The following ZNF721 variants were observed in gnomAD, a reference collection of about 807,000 sequenced individuals.
ZNF721 encodes zinc finger protein 721.
Under a neutral mutation model 2.4 loss-of-function variants are expected in ZNF721, and 2 were observed. That is an observed-to-expected ratio of 0.82 (90% CI 0.34 to 2.58). The LOEUF (loss-of-function observed/expected upper bound fraction) is 2.58. Among genes scored for constraint, ZNF721 ranks in the 30% most tolerant of loss-of-function variants. The pLI is 0.11. For synonymous variants in ZNF721, 398 were observed against 381.8 expected (o/e 1.04, Z -0.50); for missense variants, 1,187 against 1,085.5 (o/e 1.09, Z -1.31).
At chr4:447,637 C>G (rs1175425766) in intron 2 of ZNF721, among the ~76,000 whole-genome samples, 1 of 152,130 alleles carries the variant, frequency 6.6e-6, no homozygotes, top group Non-Finnish European at 1.5e-5. Flanking sequence ...CATGATCCAG[C>G]TTGCTTTTCT....
rs782151801 is a variant in ZNF721 at position 442,120 on chromosome 4, A to G, written c.2347T>C (p.Cys783Arg). Reference protein sequence around the residue: ...KIHTGKKPYKCKECGKVITSS... With the variant: ...KIHTGKKPYKRKECGKVITSS... ...GTAATGACTTTGCCACATTCCTTAC[A>G]TTTGTAGGGTTTCTTTCCAGTATGA... Residue 783 changes from cysteine (C) to arginine (R), a missense_variant, in exon 3 of 3, where the codon TGT becomes CGT. Physicochemically the swap from Cys to Arg is radical, Grantham distance 180. Coordinates refer to ENST00000511833, the MANE Select transcript of ZNF721 (RefSeq NM_133474.4). 16 of 1,613,726 alleles carry G rather than the reference A, an allele frequency of 9.9e-6. No individual in the cohort carries two copies. Among genetic ancestry groups the G allele is most frequent in the Non-Finnish European group, 5.1e-6 (6 of 1,179,800 alleles).
In ZNF721 at chr4:441,736, G is replaced by C; in HGVS notation, c.2731C>G (p.His911Asp). ...TTATCTCCAGTATGAATTTTCTTAT[G>C]TGCATAAAGATTTGCAGACTGTCTA... ...TFRQSANLYA[H>D]KKIHTGDKTI... Residue 911 changes from histidine (H) to aspartate (D), a missense_variant, in exon 3 of 3, where the codon CAT becomes GAT. Physicochemically the swap from His to Asp is moderately conservative, Grantham distance 81. Coordinates refer to ENST00000511833, the MANE Select transcript of ZNF721 (RefSeq NM_133474.4). 2 of 1,612,800 alleles carry C rather than the reference G, an allele frequency of 1.2e-6. No individual in the cohort carries two copies. Among genetic ancestry groups the C allele is most frequent in the Non-Finnish European group, 1.7e-6 (2 of 1,179,388 alleles).
At position 440,458 on chromosome 4, in the gene ZNF721, A is replaced by C. The variant is rs1375024198; in HGVS notation, c.*1237T>G. ...ATATCTCTTCAAAAACCTACTTTTCAACTTATATACAAGGAAATTTTCTAA... is the reference window on the plus strand; with the variant it reads ...ATATCTCTTCAAAAACCTACTTTTCCACTTATATACAAGGAAATTTTCTAA... On this transcript the variant is annotated 3_prime_UTR_variant, in exon 3 of 3. Coordinates refer to ENST00000511833, the MANE Select transcript of ZNF721 (RefSeq NM_133474.4). The C allele has an allele frequency of 6.6e-6, 1 of 152,176 alleles. No homozygotes were observed. The highest frequency in any genetic ancestry group is 6.5e-5 in the Admixed American group (1 of 15,280). The allele number at this position is 152,176 out of a possible 1,614,324, so 9.4% of individuals were successfully genotyped here. A position where few individuals can be genotyped will look rare whatever the true frequency, so the allele number is the denominator to read the frequency against.
chr4:455,249 C>T lies in ZNF721; in HGVS notation c.35-10817G>A, dbSNP rs11931971. 4.1e-3 allele frequency among the ~76,000 whole-genome samples: 626 copies of T among 152,244 alleles called. 8 individuals carry two copies. Among genetic ancestry groups the T allele is most frequent in the African/African-American group, 0.014 (584 of 41,536 alleles). Reference sequence around the variant, plus strand: ...TGTGTCTTTCCTTCTCCTTTCACCCCGCAGCACACAACAATCTTACAAAAA... The same window carrying T: ...TGTGTCTTTCCTTCTCCTTTCACCCTGCAGCACACAACAATCTTACAAAAA... On this transcript the variant is annotated intron_variant, in intron 2 of 2. Transcript: ENST00000511833.
rs1553863825 is a variant in ZNF721, at chr4:444,011, C to A, written c.456G>T (p.Leu152=). 6.2e-7 allele frequency: 1 copy of A among 1,613,614 alleles called. No homozygotes were observed. The part of the protein sequence containing the change: ...RGKDFGWYTD[L]NQHKKIHTGE... ...CAGTATGAATTTTCTTGTGTTGATT[C>A]AGGTCTGTGTACCATCCAAAGTCTT... The change falls in exon 3 of 3, where the codon CTG becomes CTT. Residue 152 remains leucine, a synonymous_variant. Transcript: ENST00000511833.
chr4:490,450 C>G (rs1258870005), intron 1 of ZNF721, among the ~76,000 whole-genome samples: 1 of 151,422 alleles, frequency 6.6e-6, no homozygotes, highest in Non-Finnish European at 1.5e-5. Context: ...GCCTGGGCAA[C>G]AGAGTGAGAC....
At chr4:473,088 G>A (rs1478461423) in intron 1 of ZNF721, among the ~76,000 whole-genome samples, 9 of 152,102 alleles carry the variant, frequency 5.9e-5, no homozygotes, top group African/African-American at 2.2e-4. Context: ...CAATAGACAG[G>A]ATGTGAGGGG....
At chr4:460,435 C>T (rs1287054932) in intron 2 of ZNF721, among the ~76,000 whole-genome samples, 4 of 152,096 alleles carry the variant, frequency 2.6e-5, no homozygotes, top group African/African-American at 9.7e-5. Flanking sequence ...ACAGCCAAAG[C>T]AGTCTTTGGA....
At chr4:473,966 G>A in intron 1 of ZNF721, 1 of 1,507,494 alleles carries the variant, frequency 6.6e-7, no homozygotes, top group Middle Eastern at 1.8e-4. Context: ...GGGACGCCCT[G>A]CCCCGCACAC....
At chr4:480,737 T>C (rs143257433) in intron 1 of ZNF721, among the ~76,000 whole-genome samples, 9 of 149,698 alleles carry the variant, frequency 6.0e-5, no homozygotes, top group African/African-American at 2.2e-4. Flanking sequence ...TTTCGGAAGG[T>C]AGAGCCGTAT....
intron 2 of ZNF721, among the ~76,000 whole-genome samples, chr4:456,392 C>G (rs1399631413): frequency 6.6e-6 from 1 of 151,392 alleles, no homozygotes; most frequent in Non-Finnish European, 1.5e-5. Flanking sequence ...AATTTATAAA[C>G]CAGGTAAGGG....
At position 442,570 on chromosome 4, in the gene ZNF721, T is replaced by G. The variant is rs976219771; in HGVS notation, c.1897A>C (p.Lys633Gln). The change falls in exon 3 of 3, where the codon AAA becomes CAA. Residue 633 changes from lysine (K) to glutamine (Q), a missense_variant. By Grantham distance (53) the Lys-to-Gln change is moderately conservative. Coordinates refer to ENST00000511833, the MANE Select transcript of ZNF721 (RefSeq NM_133474.4). ...TAAGGTTTCTCCCCAGTGTAAATTT[T>G]CTTCTGTTGATTCAGGTCCGTGTAC... is the stretch of plus-strand genomic sequence containing the variant. ...VWYTDLNQQK[K>Q]IYTGEKPYKC... 1.9e-6 allele frequency: 3 copies of G among 1,613,868 alleles called. No individual in the cohort carries two copies. Among genetic ancestry groups the G allele is most frequent in the Non-Finnish European group, 2.5e-6 (3 of 1,179,874 alleles).
Position 440,332 on chromosome 4 carries a change from T to C in ZNF721, c.*1363A>G, listed in dbSNP as rs1714189318. The C allele has an allele frequency of 6.6e-6, 1 of 152,218 alleles. No homozygotes were observed. The highest frequency in any genetic ancestry group is 1.5e-5 in the Non-Finnish European group (1 of 68,038). The allele number at this position is 152,218 out of a possible 1,614,324, so 9.4% of individuals were successfully genotyped here. ...CGCAGCAACAATTTATCACATGCTTTCACATAAATGAGAATGTTGAAATAG... is the reference window on the plus strand; with the variant it reads ...CGCAGCAACAATTTATCACATGCTTCCACATAAATGAGAATGTTGAAATAG... On this transcript the variant is annotated 3_prime_UTR_variant, in exon 3 of 3. Transcript: ENST00000511833.
intron 1 of ZNF721, among the ~76,000 whole-genome samples, chr4:494,908 T>TC (rs1436034035): frequency 1.3e-5 from 2 of 151,420 alleles, no homozygotes; most frequent in East Asian, 1.9e-4. Context: ...TTTTTTTTTT[T>TC]TGAGACGGAG....
chr4:473,461 T>G (rs1228106112), intron 1 of ZNF721, among the ~76,000 whole-genome samples: 1 of 152,126 alleles, frequency 6.6e-6, no homozygotes, highest in African/African-American at 2.4e-5. Context: ...GCAAGGGGAC[T>G]GGTGGGAAAG....
chr4:490,363 C>G (rs1339983816), intron 1 of ZNF721, among the ~76,000 whole-genome samples: 1 of 151,934 alleles, frequency 6.6e-6, no homozygotes, highest in Non-Finnish European at 1.5e-5. Context: ...GTAGTCCCAG[C>G]TACTCAGGAG....
chr4:497,678 G>A (rs1481689157), intron 1 of ZNF721, among the ~76,000 whole-genome samples: 1 of 150,346 alleles, frequency 6.7e-6, no homozygotes, highest in Non-Finnish European at 1.5e-5. Flanking sequence ...CACGAGGTCA[G>A]GAGATTGAGA....
At chr4:471,164 T>C (rs1715421026) in intron 2 of ZNF721, among the ~76,000 whole-genome samples, 1 of 152,152 alleles carries the variant, frequency 6.6e-6, no homozygotes, top group South Asian at 2.1e-4. Flanking sequence ...ATGCTGTTAG[T>C]GAGATGTAAA....
chr4:495,331 C>CAAAA (rs548290022), intron 1 of ZNF721, among the ~76,000 whole-genome samples: 3 of 90,480 alleles, frequency 3.3e-5, no homozygotes, highest in Admixed American at 2.4e-4. Flanking sequence ...AACTTTTGCT[C>CAAAA]AAAAAAAAAA....
Sources: allele counts gnomAD v4.1 joint callset (sites outside exome capture counted in the v4.1 genomes callset), GRCh38; gene constraint gnomAD v4.1.1; transcripts MANE v1.5; gene names NCBI Gene and HGNC (gene_info 2026-07-23, HGNC 2026-07-21).